The following RBPJ variants were observed in gnomAD, a reference collection of about 807,000 sequenced individuals.
The protein encoded by RBPJ is recombining binding protein suppressor of hairless.
RBPJ carries 9 observed loss-of-function variants against 67.8 expected under a neutral mutation model. The observed-to-expected ratio is 0.13, with a 90% CI of 0.08 to 0.23. RBPJ has a LOEUF of 0.23. RBPJ is among the 10% of genes least tolerant of loss of function. RBPJ has a pLI of 1.00. For missense variants in RBPJ, 305 were observed against 595.6 expected (o/e 0.51, Z 5.08); for synonymous variants, 198 against 203.3 (o/e 0.97, Z 0.22).
chr4:26,367,115 ACT>A (rs10540562), intron 1 of RBPJ, among the ~76,000 whole-genome samples: 3,103 of 151,216 alleles, frequency 0.021, 75 homozygotes, highest in African/African-American at 0.06. Context: ...CAGTTGTGAG[ACT>A]CTGTTTCAAA....
At chr4:26,349,095 C>CGCGCGCGCGTGA (rs780379162) in intron 1 of RBPJ, among the ~76,000 whole-genome samples, 2 of 151,002 alleles carry the variant, frequency 1.3e-5, no homozygotes, top group African/African-American at 2.4e-5. Flanking sequence ...TGTGCGCGCG[C>CGCGCGCGCGTGA]GCACGCACTT....
At chr4:26,145,468 T>G in the RBPJ span, among the ~76,000 whole-genome samples, 1 of 152,244 alleles carries the variant, frequency 6.6e-6, no homozygotes, top group Non-Finnish European at 1.5e-5. Flanking sequence ...GTTCTACAAA[T>G]GCACTAATCT....
upstream of RBPJ, among the ~76,000 whole-genome samples, chr4:26,316,522 T>TTC (rs1722632845): frequency 1.7e-5 from 2 of 114,822 alleles, no homozygotes. Context: ...TATATATTCA[T>TTC]ATATATATTC....
intron 1 of RBPJ, among the ~76,000 whole-genome samples, chr4:26,325,661 G>A (rs910832808): frequency 1.3e-5 from 2 of 152,218 alleles, no homozygotes; most frequent in African/African-American, 4.8e-5. Flanking sequence ...GTTAGCTACT[G>A]TGGCGCATAG....
intron 1 of RBPJ, among the ~76,000 whole-genome samples, chr4:26,177,358 T>C (rs1378414421): frequency 1.3e-5 from 2 of 152,104 alleles, no homozygotes. Context: ...GGCAGATCAC[T>C]TGAGGTCAGG....
the RBPJ span, among the ~76,000 whole-genome samples, chr4:26,145,395 TG>T: frequency 6.6e-6 from 1 of 152,314 alleles, no homozygotes; most frequent in South Asian, 2.1e-4. Flanking sequence ...TTAGATTAAG[TG>T]TCCACAGCCC....
chr4:26,410,239 G>A, intron 3 of RBPJ: 1 of 206,544 alleles, frequency 4.8e-6, no homozygotes, highest in Middle Eastern at 6.2e-4. Context: ...GGTTACCTGG[G>A]GGCATGATCA....
chr4:26,119,770 C>A, the RBPJ span, among the ~76,000 whole-genome samples: 1 of 152,222 alleles, frequency 6.6e-6, no homozygotes, highest in Admixed American at 6.5e-5. Context: ...GTAACGGCCT[C>A]AATTCTTTCA....
At chr4:26,388,745 A>G (rs73121181) in intron 2 of RBPJ, among the ~76,000 whole-genome samples, 3,755 of 152,330 alleles carry the variant, frequency 0.025, 168 homozygotes, top group African/African-American at 0.085. Context: ...AATAGATACT[A>G]TCTAAAATGA....
At chr4:26,109,711 C>CTG in the RBPJ span, among the ~76,000 whole-genome samples, 1 of 60,726 alleles carries the variant, frequency 1.6e-5, no homozygotes, top group Non-Finnish European at 3.4e-5. Flanking sequence ...CCACCTTCCT[C>CTG]TCTCTCTCTC....
intron 2 of RBPJ, among the ~76,000 whole-genome samples, chr4:26,393,460 C>T (rs367671303): frequency 3.9e-4 from 59 of 152,178 alleles, no homozygotes; most frequent in African/African-American, 1.3e-3. Flanking sequence ...CTGCAACCTC[C>T]GCCTCCCAGG....
chr4:26,336,964 T>C (rs1724897695), intron 1 of RBPJ, among the ~76,000 whole-genome samples: 1 of 152,054 alleles, frequency 6.6e-6, no homozygotes, highest in African/African-American at 2.4e-5. Flanking sequence ...GGTCTTTGTT[T>C]AGCGTTTTTT....
At chr4:26,233,419 G>C (rs1446713905) in intron 1 of RBPJ, among the ~76,000 whole-genome samples, 2 of 152,122 alleles carry the variant, frequency 1.3e-5, no homozygotes, top group Middle Eastern at 3.2e-3. Flanking sequence ...TCTTCACTTA[G>C]GGCTGAATTC....
chr4:26,304,586 G>T (rs1219834625), intron 1 of RBPJ, among the ~76,000 whole-genome samples: 2 of 152,168 alleles, frequency 1.3e-5, no homozygotes, highest in Non-Finnish European at 2.9e-5. Context: ...CTTTTTCCAT[G>T]ATGGCTAATG....
intron 1 of RBPJ, among the ~76,000 whole-genome samples, chr4:26,324,493 C>G (rs1477348069): frequency 6.6e-6 from 1 of 151,678 alleles, no homozygotes; most frequent in Non-Finnish European, 1.5e-5. Context: ...GATGCCTTTC[C>G]TCTTTTGTTT....
chr4:26,155,949 G>A, the RBPJ span, among the ~76,000 whole-genome samples: 1 of 152,092 alleles, frequency 6.6e-6, no homozygotes, highest in South Asian at 2.1e-4. Flanking sequence ...TGTAATCCAG[G>A]TCTCCTGGAA....
At chr4:26,277,851 C>A (rs931093892) in intron 1 of RBPJ, among the ~76,000 whole-genome samples, 2 of 152,180 alleles carry the variant, frequency 1.3e-5, no homozygotes, top group Non-Finnish European at 2.9e-5. Flanking sequence ...TACTCTCTCC[C>A]ATAGGTTTCT....
At chr4:26,402,859 A>AG (rs1732984332) in intron 2 of RBPJ, among the ~76,000 whole-genome samples, 1 of 152,156 alleles carries the variant, frequency 6.6e-6, no homozygotes, top group Admixed American at 6.6e-5. Context: ...CAGCCTACTG[A>AG]ATACTTTCAA....
chr4:26,313,689 A>G (rs1026995928), intron 1 of RBPJ, among the ~76,000 whole-genome samples: 1 of 151,344 alleles, frequency 6.6e-6, no homozygotes, highest in African/African-American at 2.4e-5. Flanking sequence ...AAAAAAAATT[A>G]GCAGGGCATG....
Sources: gnomAD v4.1 joint callset for allele counts (sites outside exome capture counted in the v4.1 genomes callset) on GRCh38, gnomAD v4.1.1 for gene constraint, MANE v1.5 for transcripts, NCBI Gene and HGNC (gene_info 2026-07-23, HGNC 2026-07-21) for gene names.